Variants in SLC4A10 observed in about 807,000 individuals in gnomAD.
SLC4A10 encodes the protein solute carrier family 4 member 10.
SLC4A10 carries 42 observed loss-of-function variants against 137.7 expected under a neutral mutation model. The observed-to-expected ratio is 0.30, with a 90% confidence interval of 0.24 to 0.39. The LOEUF is 0.39. Among genes scored for constraint, SLC4A10 ranks in the 10% least tolerant of loss-of-function variants. SLC4A10 has a pLI of 1.00. For synonymous variants in SLC4A10, 474 were observed against 464.1 expected, an observed-to-expected ratio of 1.02 and a Z score of -0.27; for missense variants, 925 against 1,355.0, an observed-to-expected ratio of 0.68 and a Z score of 4.98.
intron 2 of SLC4A10, among the ~76,000 whole-genome samples, chr2:161,796,738 A>G (rs1363229695): frequency 6.6e-6 from 1 of 152,184 alleles, no homozygotes; most frequent in Non-Finnish European, 1.5e-5. Context: ...TAATTGTTTC[A>G]CAGTTGAATT....
intron 1 of SLC4A10, among the ~76,000 whole-genome samples, chr2:161,658,198 T>G (rs1286044990): frequency 6.6e-6 from 1 of 152,206 alleles, no homozygotes; most frequent in East Asian, 1.9e-4. Flanking sequence ...TGCATTGAAA[T>G]TTTGCATTAG....
At chr2:161,771,175 T>C in intron 2 of SLC4A10, 121 bp downstream of exon 2, 2 of 683,824 alleles carry the variant, frequency 2.9e-6, no homozygotes, top group South Asian at 3.6e-5. Context: ...GGTAGCTTAC[T>C]GGGGAGGGGT....
intron 3 of SLC4A10, among the ~76,000 whole-genome samples, chr2:161,837,948 G>A (rs2125780362): frequency 6.6e-6 from 1 of 152,272 alleles, no homozygotes; most frequent in African/African-American, 2.4e-5. Flanking sequence ...GAAAACAGCA[G>A]TTTGCAACCC....
intron 11 of SLC4A10, among the ~76,000 whole-genome samples, chr2:161,897,800 CTGAG>C (rs926448918): frequency 5.9e-5 from 9 of 152,020 alleles, no homozygotes; most frequent in African/African-American, 2.2e-4. Context: ...ATAATGCTTC[CTGAG>C]TATGTAGAAA....
At chr2:161,777,432 A>G (rs1211060397) in intron 2 of SLC4A10, among the ~76,000 whole-genome samples, 4 of 151,948 alleles carry the variant, frequency 2.6e-5, no homozygotes, top group African/African-American at 9.7e-5. Context: ...TCTTTGCCAA[A>G]TTCAATATGA....
intron 1 of SLC4A10, among the ~76,000 whole-genome samples, chr2:161,636,705 T>G (rs1188908014): frequency 6.6e-6 from 1 of 151,890 alleles, no homozygotes; most frequent in Non-Finnish European, 1.5e-5. Flanking sequence ...TTTATTTTTT[T>G]AAGAGACAAG....
At chr2:161,815,154 A>T (rs2056922524) in intron 3 of SLC4A10, among the ~76,000 whole-genome samples, 1 of 152,084 alleles carries the variant, frequency 6.6e-6, no homozygotes, top group African/African-American at 2.4e-5. Flanking sequence ...CATTAAAAAT[A>T]TATTTAGGTA....
chr2:161,734,673 T>C (rs1221798266), intron 1 of SLC4A10, among the ~76,000 whole-genome samples: 1 of 152,200 alleles, frequency 6.6e-6, no homozygotes, highest in Non-Finnish European at 1.5e-5. Context: ...AAATAAATAC[T>C]CATTTTATGT....
chr2:161,746,142 C>A (rs1039301266), intron 1 of SLC4A10, among the ~76,000 whole-genome samples: 3 of 151,982 alleles, frequency 2.0e-5, no homozygotes, highest in African/African-American at 7.2e-5. Context: ...GGTGATGAAT[C>A]TTCCCAGGAC....
chr2:161,659,334 A>G (rs994439405), intron 1 of SLC4A10, among the ~76,000 whole-genome samples: 1 of 152,232 alleles, frequency 6.6e-6, no homozygotes, highest in African/African-American at 2.4e-5. Flanking sequence ...GAACTAAATA[A>G]TGTGTACACA....
chr2:161,900,637 A>C (rs1682878032), intron 11 of SLC4A10, among the ~76,000 whole-genome samples: 1 of 152,040 alleles, frequency 6.6e-6, no homozygotes, highest in South Asian at 2.1e-4. Flanking sequence ...ACTCAGTTTT[A>C]GTTGAAAGAA....
intron 1 of SLC4A10, among the ~76,000 whole-genome samples, chr2:161,646,808 G>C (rs1224883886): frequency 1.3e-5 from 2 of 151,934 alleles, no homozygotes. Context: ...TTGACACAGT[G>C]ACAAAAATTT....
At position 161,976,850 on chromosome 2, in the gene SLC4A10, T is replaced by C. The variant is rs1699461908; in HGVS notation, c.3318T>C (p.Asp1106=). ...TGATTACTGCCGATAACTCAAAAGATAAGGAGTCAAGCTTTCCTTCCAAAA... is the reference window on the plus strand; with the variant it reads ...TGATTACTGCCGATAACTCAAAAGACAAGGAGTCAAGCTTTCCTTCCAAAA... ...NLLITADNSK[D]KESSFPSKSS... is the part of the protein sequence containing the mutation. The change falls in exon 25 of 27, where the codon GAT becomes GAC. Residue 1106 remains aspartate, a synonymous_variant. Coordinates refer to ENST00000446997, the MANE Select transcript of SLC4A10 (RefSeq NM_001178015.2). The C allele has an allele frequency of 1.9e-6, 3 of 1,597,194 alleles. No individual in the cohort carries two copies. The highest frequency in any genetic ancestry group is 2.6e-6 in the Non-Finnish European group (3 of 1,171,496).
chr2:161,836,521 AG>A (rs1171173802), intron 3 of SLC4A10, among the ~76,000 whole-genome samples: 11 of 111,762 alleles, frequency 9.8e-5, no homozygotes, highest in African/African-American at 4.4e-4. Context: ...AGAAAGAAAG[AG>A]AGAGAGAGAG....
intron 1 of SLC4A10, among the ~76,000 whole-genome samples, chr2:161,634,849 C>T (rs1440394289): frequency 6.6e-6 from 1 of 151,974 alleles, no homozygotes; most frequent in East Asian, 1.9e-4. Flanking sequence ...CCAACCTTTA[C>T]CCATCATTCC....
chr2:161,786,625 A>G (rs975341953), intron 2 of SLC4A10, among the ~76,000 whole-genome samples: 2 of 151,484 alleles, frequency 1.3e-5, no homozygotes, highest in Admixed American at 1.3e-4. Flanking sequence ...ATAAAAGAGT[A>G]TACTCATTTC....
chr2:161,937,412 T>C (rs1691774048), intron 15 of SLC4A10, among the ~76,000 whole-genome samples: 1 of 152,178 alleles, frequency 6.6e-6, no homozygotes, highest in South Asian at 2.1e-4. Flanking sequence ...CCCTTCTGTT[T>C]CAACCAAATT....
chr2:161,858,664 C>T (rs551398825), intron 5 of SLC4A10, among the ~76,000 whole-genome samples: 15 of 152,188 alleles, frequency 9.9e-5, no homozygotes, highest in Non-Finnish European at 2.1e-4. Flanking sequence ...ATGTTAATCT[C>T]TTTGAAATTA....
intron 3 of SLC4A10, among the ~76,000 whole-genome samples, chr2:161,811,658 A>G (rs1434533777): frequency 6.6e-6 from 1 of 152,048 alleles, no homozygotes; most frequent in Non-Finnish European, 1.5e-5. Context: ...ATTACTTGAT[A>G]GTAATCTTGC....
Sources: allele counts gnomAD v4.1 joint callset (sites outside exome capture counted in the v4.1 genomes callset), GRCh38; gene constraint gnomAD v4.1.1; transcripts MANE v1.5; gene names NCBI Gene and HGNC (gene_info 2026-07-23, HGNC 2026-07-21).